Variants in SIL1 observed in about 807,000 individuals in gnomAD.
The protein encoded by SIL1 is nucleotide exchange factor SIL1.
A neutral mutation model predicts 49.1 loss-of-function variants in SIL1; 40 were observed. That is an observed-to-expected ratio of 0.81 (90% CI 0.63 to 1.06). The LOEUF (loss-of-function observed/expected upper bound fraction) is 1.06, where lower values mean the gene tolerates loss of function less well. Ranked by LOEUF, SIL1 falls within the 50% of genes least tolerant of loss-of-function variation. The pLI is 0.00. For synonymous variants in SIL1, 253 were observed against 250.8 expected (o/e 1.01, Z -0.08); for missense variants, 500 against 572.6 (o/e 0.87, Z 1.29).
intron 3 of SIL1, among the ~76,000 whole-genome samples, chr5:139,056,320 G>A (rs1343054008): frequency 6.6e-6 from 1 of 151,222 alleles, no homozygotes; most frequent in African/African-American, 2.4e-5. Flanking sequence ...CCTCTGCCCT[G>A]CCGCCCCGTC....
chr5:138,982,296 C>A (rs1767544290), intron 7 of SIL1, among the ~76,000 whole-genome samples: 1 of 152,158 alleles, frequency 6.6e-6, no homozygotes, highest in South Asian at 2.1e-4. Context: ...TGCATTTGTC[C>A]AGTTCACCGG....
chr5:139,099,323 G>A (rs1770536564), intron 3 of SIL1, among the ~76,000 whole-genome samples: 1 of 152,162 alleles, frequency 6.6e-6, no homozygotes, highest in South Asian at 2.1e-4. Context: ...CTCATACACT[G>A]TTGGTGGGAA....
At chr5:139,061,251 G>T (rs1331044252) in intron 3 of SIL1, among the ~76,000 whole-genome samples, 1 of 152,242 alleles carries the variant, frequency 6.6e-6, no homozygotes, top group African/African-American at 2.4e-5. Flanking sequence ...TGAGGTTGCT[G>T]TGGAGCCTGG....
At chr5:139,141,360 T>G (rs1200093918) in intron 1 of SIL1, among the ~76,000 whole-genome samples, 1 of 151,958 alleles carries the variant, frequency 6.6e-6, no homozygotes, top group Non-Finnish European at 1.5e-5. Flanking sequence ...TAAAAACAGG[T>G]GCTGGCCAGG....
At chr5:139,189,517 A>T (rs1263966534) in intron 1 of SIL1, among the ~76,000 whole-genome samples, 1 of 152,254 alleles carries the variant, frequency 6.6e-6, no homozygotes, top group Non-Finnish European at 1.5e-5. Flanking sequence ...ATATTTCATT[A>T]CATACTATAA....
chr5:139,082,888 T>C (rs759637414), intron 3 of SIL1, among the ~76,000 whole-genome samples: 5 of 152,166 alleles, frequency 3.3e-5, no homozygotes, highest in Non-Finnish European at 7.4e-5. Context: ...CCATCAGTCA[T>C]ATAGCTCCAG....
chr5:139,099,633 C>A (rs1770543884), intron 3 of SIL1, among the ~76,000 whole-genome samples: 1 of 152,010 alleles, frequency 6.6e-6, no homozygotes, highest in Admixed American at 6.6e-5. Context: ...TTTGCAACAA[C>A]ATGGATGAAA....
chr5:138,958,987 A>G (rs1233906973), intron 7 of SIL1, among the ~76,000 whole-genome samples: 1 of 152,138 alleles, frequency 6.6e-6, no homozygotes, highest in Non-Finnish European at 1.5e-5. Flanking sequence ...CATTTCTATC[A>G]TTTACTTCAA....
At chr5:139,191,403 A>G (rs1315458837) in intron 1 of SIL1, among the ~76,000 whole-genome samples, 1 of 151,900 alleles carries the variant, frequency 6.6e-6, no homozygotes, top group East Asian at 1.9e-4. Flanking sequence ...CTAGTTTTCT[A>G]GTTTGGTCAG....
At chr5:139,168,562 C>T (rs1008634877) in intron 1 of SIL1, among the ~76,000 whole-genome samples, 1 of 152,084 alleles carries the variant, frequency 6.6e-6, no homozygotes, top group East Asian at 1.9e-4. Flanking sequence ...CCTCCCAGCC[C>T]GGTTGCAAGC....
intron 7 of SIL1, among the ~76,000 whole-genome samples, chr5:138,997,337 A>T (rs1767891723): frequency 6.6e-6 from 1 of 152,170 alleles, no homozygotes; most frequent in Admixed American, 6.5e-5. Context: ...GTCCAGTTTC[A>T]TTCTTCTGCG....
intron 1 of SIL1, among the ~76,000 whole-genome samples, chr5:139,151,531 G>A (rs1198640286): frequency 6.6e-6 from 1 of 152,150 alleles, no homozygotes; most frequent in Non-Finnish European, 1.5e-5. Context: ...CAGTACTGTG[G>A]GGCCTTGTGG....
At chr5:139,129,899 G>C (rs1159425508) in intron 1 of SIL1, among the ~76,000 whole-genome samples, 3 of 152,218 alleles carry the variant, frequency 2.0e-5, no homozygotes, top group Non-Finnish European at 2.9e-5. Context: ...AAATTAAAAA[G>C]CTTTTGGGTC....
chr5:139,067,731 G>A (rs1163342700), intron 3 of SIL1, among the ~76,000 whole-genome samples: 4 of 152,184 alleles, frequency 2.6e-5, no homozygotes, highest in African/African-American at 9.7e-5. Context: ...GCAGCAACCG[G>A]CATCCTAATA....
rs372053746 is a variant in SIL1, at chr5:138,948,829, G to A, written c.1030-1356C>T. ...GTCAGGAGGGCAGCGGGTTCCTTACGGGAGAGCGGTTGTTATTCTAGAGAG... is the reference window on the plus strand; with the variant it reads ...GTCAGGAGGGCAGCGGGTTCCTTACAGGAGAGCGGTTGTTATTCTAGAGAG... On this transcript the variant is annotated intron_variant, in intron 9 of 9. Transcript: ENST00000394817. This position sits in a 1 kb window ranked among gnomAD's most constrained non-coding sequence, Gnocchi z 4.8. 2.0e-5 allele frequency among the ~76,000 whole-genome samples: 3 copies of A among 152,158 alleles called. No individual in the cohort carries two copies. Among genetic ancestry groups the A allele is most frequent in the Non-Finnish European group, 4.4e-5 (3 of 68,030 alleles).
At chr5:139,170,983 C>T (rs1204479879) in intron 1 of SIL1, among the ~76,000 whole-genome samples, 2 of 145,986 alleles carry the variant, frequency 1.4e-5, no homozygotes, top group African/African-American at 2.5e-5. Context: ...CCAGCCGCCC[C>T]GTCCGGGAGG....
At chr5:139,015,242 C>T (rs1768373814) in intron 7 of SIL1, among the ~76,000 whole-genome samples, 1 of 152,154 alleles carries the variant, frequency 6.6e-6, no homozygotes, top group Non-Finnish European at 1.5e-5. Flanking sequence ...ATCTTATCCC[C>T]TAAGTACTAT....
rs755818285 is a variant in SIL1, at chr5:138,948,812, G to A, written c.1030-1339C>T. Among the ~76,000 whole-genome samples, 24 of 152,172 alleles carry A rather than the reference G, an allele frequency of 1.6e-4. No individual in the cohort carries two copies. The highest frequency in any genetic ancestry group is 1.0e-3 in the Admixed American group (16 of 15,286). ...TGAGAGGAGCTGCCTAGGTCAGGAG[G>A]GCAGCGGGTTCCTTACGGGAGAGCG... On this transcript the variant is annotated intron_variant, in intron 9 of 9. Transcript: ENST00000394817. This position sits in a 1 kb window ranked among gnomAD's most constrained non-coding sequence, Gnocchi z 4.8.
chr5:139,130,842 A>C (rs1750848853), intron 1 of SIL1, among the ~76,000 whole-genome samples: 1 of 152,254 alleles, frequency 6.6e-6, no homozygotes, highest in Non-Finnish European at 1.5e-5. Context: ...GCTTGAAAAC[A>C]TTATCCCAAG....
Sources: gnomAD v4.1 joint callset for allele counts (sites outside exome capture counted in the v4.1 genomes callset) on GRCh38, gnomAD v4.1.1 for gene constraint, Gnocchi (gnomAD v3.1) non-coding constraint, MANE v1.5 for transcripts, NCBI Gene and HGNC (gene_info 2026-07-23, HGNC 2026-07-21) for gene names.